FGFR1: variants seen among roughly 807,000 people sequenced by gnomAD.
FGFR1 encodes FGFR1/PLAG1 fusion.
A neutral mutation model predicts 93.7 loss-of-function variants in FGFR1; 18 were observed. The ratio of observed to expected loss-of-function variants is 0.19; its 90% confidence interval spans 0.13 to 0.28. FGFR1 has a LOEUF of 0.28. Ranked by LOEUF, FGFR1 falls within the 10% of genes least tolerant of loss-of-function variation. The probability of loss-of-function intolerance (pLI) is 1.00; values close to 1 mark genes in which losing one functional copy is unlikely to be tolerated. For synonymous variants in FGFR1, 448 were observed against 429.3 expected (o/e 1.04, Z -0.54); for missense variants, 731 against 1,080.4 (o/e 0.68, Z 4.53).
At chr8:38,420,157 A>G in intron 8 of FGFR1, 2 of 191,694 alleles carry the variant, frequency 1.0e-5, no homozygotes, top group Non-Finnish European at 2.2e-5. Flanking sequence ...TGCACTTAAC[A>G]TGCGGGGACA....
At chr8:38,414,479 G>A in intron 15 of FGFR1, 80 bp downstream of exon 15, 2 of 1,567,088 alleles carry the variant, frequency 1.3e-6, no homozygotes, top group South Asian at 1.1e-5. Context: ...GGACTCCTCA[G>A]TCCAGGGAGA....
chr8:38,418,843 A>G (rs1045166943), intron 9 of FGFR1, among the ~76,000 whole-genome samples: 2 of 152,154 alleles, frequency 1.3e-5, no homozygotes, highest in African/African-American at 4.8e-5. Flanking sequence ...AGGGTATGGT[A>G]TGGCTGAGAT....
Position 38,460,369 on chromosome 8 carries a change from G to A in FGFR1, c.-88-2835C>T, listed in dbSNP as rs533295397. 8.5e-5 allele frequency among the ~76,000 whole-genome samples: 13 copies of A among 152,176 alleles called. No individual in the cohort carries two copies. In the South Asian group the frequency reaches 1.9e-3, roughly 22 times the overall value. On this transcript the variant is annotated intron_variant, in intron 1 of 17. Transcript: ENST00000447712. ...TGATGCAGGCCTGTCACCCAGAAAC[G>A]CACACCTGACCAAGAAAACCCAGGT...
chr8:38,449,302 G>C (rs532352693), intron 2 of FGFR1, among the ~76,000 whole-genome samples: 1 of 152,170 alleles, frequency 6.6e-6, no homozygotes, highest in African/African-American at 2.4e-5. Context: ...TTCCAGCTAA[G>C]GGACTAGGAT....
At chr8:38,417,624 G>A (rs916468684) in intron 11 of FGFR1, 2 of 715,406 alleles carry the variant, frequency 2.8e-6, no homozygotes, top group Admixed American at 4.2e-5. Flanking sequence ...GGTGAGGAAA[G>A]CCTGCAAGCG....
chr8:38,430,080 G>C, intron 2 of FGFR1, 132 bp from the exon 3 acceptor site: 1 of 885,734 alleles, frequency 1.1e-6, no homozygotes, highest in Non-Finnish European at 1.7e-6. Context: ...TCACTTACTG[G>C]AGGCTACTGA....
Position 38,413,485 on chromosome 8 carries a change from G to A in FGFR1, c.*143C>T. 6.0e-6 allele frequency: 5 copies of A among 835,102 alleles called. No homozygotes were observed. The highest frequency in any genetic ancestry group is 7.5e-6 in the Non-Finnish European group (4 of 534,358). The allele number at this position is 835,102 out of a possible 1,614,324, so 51.7% of individuals were successfully genotyped here. On this transcript the variant is annotated 3_prime_UTR_variant, in exon 18 of 18. Transcript: ENST00000447712. The surrounding 1 kb of genome is among the most constrained non-coding windows in gnomAD (Gnocchi z 4.2). ...AGGTGAGCTGAGTGGGGTGAAGGCA[G>A]GCCACACAGGAAGGCCCCTGGTAGG... is the stretch of plus-strand genomic sequence containing the variant.
At chr8:38,422,107 G>T in intron 7 of FGFR1, 166 bp from the exon 8 acceptor site, 1 of 766,516 alleles carries the variant, frequency 1.3e-6, no homozygotes, top group African/African-American at 1.7e-5. Flanking sequence ...AGCAAAACCT[G>T]TTAGAGGAAG....
intron 1 of FGFR1, chr8:38,461,286 C>T (rs1158596622): frequency 6.4e-6 from 4 of 628,752 alleles, no homozygotes; most frequent in Admixed American, 3.0e-5. Flanking sequence ...TGTCAGATCT[C>T]CTTGTCCAAA....
intron 2 of FGFR1, among the ~76,000 whole-genome samples, chr8:38,450,791 G>C (rs1028696397): frequency 6.6e-6 from 1 of 152,196 alleles, no homozygotes; most frequent in Non-Finnish European, 1.5e-5. Flanking sequence ...GAGCGGGCCT[G>C]GCAGAGCCAG....
intron 2 of FGFR1, among the ~76,000 whole-genome samples, chr8:38,438,736 C>T (rs1826295423): frequency 1.3e-5 from 2 of 152,200 alleles, no homozygotes; most frequent in Non-Finnish European, 2.9e-5. Context: ...GCAAGGCAGC[C>T]TCAATCTTCA....
rs904055850 is a variant in FGFR1 at position 38,451,510 on chromosome 8, G to A, written c.91+5846C>T. ...GGCTAGGCAATGGCTCTGGCACCAC[G>A]CACAGCCTCTCCCCCATAGGTGCAG... On this transcript the variant is annotated intron_variant, in intron 2 of 17. Transcript: ENST00000447712. Among the ~76,000 whole-genome samples the A allele has an allele frequency of 8.5e-5, 13 of 152,252 alleles. No homozygotes were observed. The East Asian group carries it at 1.5e-3, about 18-fold the overall frequency.
rs571977803 is a variant in FGFR1 at position 38,457,423 on chromosome 8, G to T, written c.24C>A (p.Leu8=). 2 of 1,613,990 alleles carry T rather than the reference G, an allele frequency of 1.2e-6. No individual in the cohort carries two copies. Among genetic ancestry groups the T allele is most frequent in the Admixed American group, 1.7e-5 (1 of 60,026 alleles). Residue 8 remains leucine (L), a synonymous_variant, in exon 2 of 18, where the codon CTC becomes CTA. Transcript: ENST00000447712. MWSWKCL[L]FWAVLVTATL... ...TGGCTGTGACCAGCACAGCCCAGAA[G>T]AGGAGGCACTTCCAGCTCCACATCC...
At chr8:38,434,353 A>C in intron 2 of FGFR1, 1 of 233,282 alleles carries the variant, frequency 4.3e-6, no homozygotes, top group Non-Finnish European at 8.7e-6. Flanking sequence ...TTTTATAACA[A>C]CCGCTAATCA....
intron 2 of FGFR1, among the ~76,000 whole-genome samples, chr8:38,453,294 C>T (rs772079712): frequency 6.6e-6 from 1 of 152,214 alleles, no homozygotes; most frequent in Non-Finnish European, 1.5e-5. Flanking sequence ...TCGCCATGTG[C>T]CGTCTCCCCT....
intron 8 of FGFR1, chr8:38,420,216 G>A (rs1485580892): frequency 3.3e-5 from 6 of 180,194 alleles, no homozygotes; most frequent in South Asian, 2.5e-4. Context: ...GGTCCCTGAG[G>A]GCAGGGTTGG....
At chr8:38,420,334 T>C (rs1818250218) in intron 8 of FGFR1, 1 of 157,732 alleles carries the variant, frequency 6.3e-6, no homozygotes, top group African/African-American at 2.4e-5. Context: ...ATGTCCCACT[T>C]TGGGTCTGTG....
At chr8:38,417,714 GCAGAA>G (rs562279411) in intron 11 of FGFR1, among the ~76,000 whole-genome samples, 151 bp downstream of exon 11, 3 of 152,266 alleles carry the variant, frequency 2.0e-5, no homozygotes, top group African/African-American at 7.2e-5. Context: ...ATCTCAAGGT[GCAGAA>G]CACCCCCTCC....
rs761460794 is a variant in FGFR1, at chr8:38,424,419, G to T, written c.936+90C>A. 1 of 1,410,050 alleles carries T rather than the reference G, an allele frequency of 7.1e-7. No homozygotes were observed. The highest frequency in any genetic ancestry group is 1.7e-5 in the Admixed American group (1 of 58,640). 87.3% of individuals were successfully genotyped at this position (1,410,050 alleles called of 1,614,324 possible). A position where few individuals can be genotyped will look rare whatever the true frequency, so the allele number is the denominator to read the frequency against. On this transcript the variant is annotated intron_variant, in intron 7 of 17. Coordinates refer to ENST00000447712, the MANE Select transcript of FGFR1 (RefSeq NM_023110.3). The surrounding 1 kb of genome is among the most constrained non-coding windows in gnomAD (Gnocchi z 4.3). ...GCGTGAGGAATGATCCCATTCGGGG[G>T]CAACTGAGCCTGCCCACAGGAACTT...
Sources: allele counts gnomAD v4.1 joint callset (sites outside exome capture counted in the v4.1 genomes callset), GRCh38; gene constraint gnomAD v4.1.1; non-coding constraint Gnocchi (gnomAD v3.1); transcripts MANE v1.5; gene names NCBI Gene and HGNC (gene_info 2026-07-23, HGNC 2026-07-21).